Variants in MUC5B observed in about 807,000 individuals in gnomAD.
MUC5B encodes mucin 5B, oligomeric mucus/gel-forming.
MUC5B carries 116 observed loss-of-function variants against 376.9 expected under a neutral mutation model. The ratio of observed to expected loss-of-function variants is 0.31; its 90% CI spans 0.26 to 0.36. MUC5B has a LOEUF of 0.36. MUC5B is among the 10% of genes least tolerant of loss of function. MUC5B has a pLI of 1.00. For missense variants in MUC5B, 7,165 were observed against 7,769.9 expected (o/e 0.92, Z 2.93); for synonymous variants, 3,517 against 3,390.9 (o/e 1.04, Z -1.29).
At position 1,223,168 on chromosome 11, in the gene MUC5B, G is replaced by C; in HGVS notation, c.45G>C (p.Ala15=). ...GCCGGACGCTGGTGTTGGCTCTGGC[G>C]GCCATGCTCGTGGTGCCGCAGGCAG... is the stretch of plus-strand genomic sequence containing the variant. The part of the protein sequence containing the change: ...SACRTLVLAL[A]AMLVVPQAET... The change falls in exon 1 of 49, where the codon GCG becomes GCC. Residue 15 remains alanine, a synonymous_variant. Transcript: ENST00000529681. 1 of 710,680 alleles carries C rather than the reference G, an allele frequency of 1.4e-6. No homozygotes were observed. Among genetic ancestry groups the C allele is most frequent in the Non-Finnish European group, 2.6e-6 (1 of 384,664 alleles). 44.0% of individuals were successfully genotyped at this position (710,680 alleles called of 1,614,324 possible).
Position 1,236,423 on chromosome 11 carries a change from C to CGGTGGCGAGAGGGCCG in MUC5B, c.2924_2939dup (p.Asp981GlufsTer61). On this transcript the variant is annotated frameshift_variant, in exon 24 of 49. Transcript: ENST00000529681. LOFTEE classifies it high-confidence loss of function. Reference sequence around the variant, plus strand: ...ATCCTCCAAGAGGGGACCTTTAAGGCGGTGGCGAGAGGGCCGGGTGGGGAC... The same window carrying CGGTGGCGAGAGGGCCG: ...ATCCTCCAAGAGGGGACCTTTAAGGCGGTGGCGAGAGGGCCGGGTGGCGAGAGGGCCGGGTGGGGAC... 6.2e-7 allele frequency: 1 copy of CGGTGGCGAGAGGGCCG among 1,612,280 alleles called. No homozygotes were observed. Among genetic ancestry groups the CGGTGGCGAGAGGGCCG allele is most frequent in the African/African-American group, 1.3e-5 (1 of 75,034 alleles).
chr11:1,233,012 G>T lies in MUC5B; in HGVS notation c.2066-1G>T. 1 of 1,583,628 alleles carries T rather than the reference G, an allele frequency of 6.3e-7. No homozygotes were observed. ...GTCCCCCCTGGCCCCACCGACCACAGCCAAGTACATGCAGAACTGCCCCAA... is the reference window on the plus strand; with the variant it reads ...GTCCCCCCTGGCCCCACCGACCACATCCAAGTACATGCAGAACTGCCCCAA... On this transcript the variant is annotated splice_acceptor_variant, in intron 17 of 48. Coordinates refer to ENST00000529681, the MANE Select transcript of MUC5B (RefSeq NM_002458.3). LOFTEE classifies it high-confidence loss of function.
rs1861913445 is a variant in MUC5B, at chr11:1,227,418, G to A, written c.667+20G>A. Reference sequence around the variant, plus strand: ...CCCACAGTGAGTGCCACCTGGGTGAGGGGGCGGTGACCAATTATGTCGGCC... The same window carrying A: ...CCCACAGTGAGTGCCACCTGGGTGAAGGGGCGGTGACCAATTATGTCGGCC... On this transcript the variant is annotated intron_variant, in intron 6 of 48. Transcript: ENST00000529681. The A allele has an allele frequency of 6.3e-7, 1 of 1,580,598 alleles. No homozygotes were observed. The highest frequency in any genetic ancestry group is 1.1e-5 in the South Asian group (1 of 89,378).
In MUC5B at chr11:1,230,623, G is replaced by A. The variant is rs1234274480; in HGVS notation, c.1470+23G>A. ...ACGGTGAGGACCTGGCTGGGGCCCT[G>A]GGCTGGGACAGGAAGAGGCATGCGA... On this transcript the variant is annotated intron_variant, in intron 12 of 48. Transcript: ENST00000529681. 3 of 1,586,448 alleles carry A rather than the reference G, an allele frequency of 1.9e-6. No individual in the cohort carries two copies. The South Asian group carries it at 3.4e-5, about 18-fold the overall frequency.
chr11:1,225,532 T>G, intron 1 of MUC5B, 149 bp from the exon 2 acceptor site: 2 of 698,198 alleles, frequency 2.9e-6, no homozygotes. Context: ...CCACAGTGTG[T>G]CGTGAGGGTG....
chr11:1,252,910 C>A lies in MUC5B; in HGVS notation c.15147C>A (p.Cys5049Ter). Residue 5049 changes from cysteine to a stop codon, truncating the protein, a stop_gained, in exon 33 of 49, where the codon TGC (cysteine) becomes TGA (stop). Transcript: ENST00000529681. LOFTEE classifies it high-confidence loss of function. ...LDPKPVANVT[C>*]VNKHLPIKVS... ...CAAAGCCTGTGGCCAACGTCACCTG[C>A]GTGAACAAGCACCTGCCCATCAAAG... The A allele has an allele frequency of 6.2e-7, 1 of 1,612,672 alleles. No homozygotes were observed. The highest frequency in any genetic ancestry group is 8.5e-7 in the Non-Finnish European group (1 of 1,179,878).
intron 32 of MUC5B, 106 bp downstream of exon 32, chr11:1,252,630 C>T (rs1021346553): frequency 2.0e-5 from 28 of 1,378,220 alleles, no homozygotes; most frequent in Middle Eastern, 2.6e-4. Context: ...GTGACCCCGC[C>T]GCCAGTATCT....
At position 1,251,575 on chromosome 11, in the gene MUC5B, A is replaced by T; in HGVS notation, c.14695A>T (p.Thr4899Ser). 6.2e-7 allele frequency: 1 copy of T among 1,612,696 alleles called. No homozygotes were observed. The highest frequency in any genetic ancestry group is 8.5e-7 in the Non-Finnish European group (1 of 1,179,752). ...ATASTVPSSSTVGTTRTPAVL... is the reference protein window; with the variant it reads ...ATASTVPSSSSVGTTRTPAVL... Reference sequence around the variant, plus strand: ...TGCCTCCACGGTTCCCAGCTCGTCCACCGTGGGGACCACCCGCACCCCTGC... The same window carrying T: ...TGCCTCCACGGTTCCCAGCTCGTCCTCCGTGGGGACCACCCGCACCCCTGC... Residue 4899 changes from threonine (T) to serine (S), a missense_variant, in exon 31 of 49, where the codon ACC becomes TCC. Transcript: ENST00000529681.
In MUC5B at chr11:1,229,805, C is replaced by T. The variant is rs1490170811; in HGVS notation, c.1218C>T (p.Ser406=). 1 of 1,596,702 alleles carries T rather than the reference C, an allele frequency of 6.3e-7. No homozygotes were observed. Among genetic ancestry groups the T allele is most frequent in the Admixed American group, 1.7e-5 (1 of 57,744 alleles). The change falls in exon 10 of 49, where the codon TCC becomes TCT. Residue 406 remains serine (S), a splice_region_variant and synonymous_variant. Transcript: ENST00000529681. ...CCTCCTTCAACACCACCTGCAGCTC[C>T]TGGTACTTATGAGCCCACCAGCCTC... ...PGTSFNTTCS[S]CTCSGGLWQC...
At position 1,226,293 on chromosome 11, in the gene MUC5B, C is replaced by T. The variant is rs1861880510; in HGVS notation, c.199+17C>T. On this transcript the variant is annotated intron_variant, in intron 3 of 48. Coordinates refer to ENST00000529681, the MANE Select transcript of MUC5B (RefSeq NM_002458.3). ...GCCTGAGCCGTAAGCAGATGCTGCC[C>T]CTGCCAGCCGGGAAGGGGGTGTTTG... The T allele has an allele frequency of 6.4e-7, 1 of 1,550,784 alleles. No homozygotes were observed. Among genetic ancestry groups the T allele is most frequent in the Admixed American group, 2.0e-5 (1 of 51,220 alleles).
In MUC5B at chr11:1,243,052, G is replaced by A. The variant is rs369693068; in HGVS notation, c.6172G>A (p.Gly2058Ser). Residue 2058 changes from glycine to serine, a missense_variant, in exon 31 of 49, where the codon GGC (glycine) becomes AGC (serine). This residue lies in a region of MUC5B where 897 missense variants were observed against 779.6 expected (regional missense o/e 1.15). Coordinates refer to ENST00000529681, the MANE Select transcript of MUC5B (RefSeq NM_002458.3). ...TTKVPTTTTT[G>S]FTATPSSSPG... ...CAAAGTGCCAACTACCACAACCACG[G>A]GCTTCACAGCCACCCCCTCCTCCAG... is the stretch of plus-strand genomic sequence containing the variant. 2.5e-6 allele frequency: 4 copies of A among 1,606,710 alleles called. No individual in the cohort carries two copies. The African/African-American group carries it at 5.5e-5, about 22-fold the overall frequency.
chr11:1,239,711 G>C (rs2133821800), intron 27 of MUC5B, 88 bp from the exon 28 acceptor site: 1 of 1,497,128 alleles, frequency 6.7e-7, no homozygotes, highest in East Asian at 2.4e-5. Context: ...CTGGCTGGTG[G>C]GGGGCGGCTA....
In MUC5B at chr11:1,229,181, C is replaced by A. The variant is rs980136277; in HGVS notation, c.988C>A (p.Pro330Thr). The change falls in exon 9 of 49, where the codon CCC becomes ACC. Residue 330 changes from proline to threonine, a missense_variant. By Grantham distance (38) the Pro-to-Thr change is conservative (BLOSUM62 -1). Around this residue, in one of 31 missense-constraint regions of MUC5B, gnomAD observed 640 missense variants for 733.0 expected, o/e 0.87. Coordinates refer to ENST00000529681, the MANE Select transcript of MUC5B (RefSeq NM_002458.3). ...RCPELCPRTC[P>T]LNMQHQECGS... ...CTCCTTTTGCGCAGCCCGGACCTGCCCCCTCAACATGCAGCACCAGGAGTG... is the reference window on the plus strand; with the variant it reads ...CTCCTTTTGCGCAGCCCGGACCTGCACCCTCAACATGCAGCACCAGGAGTG... 2.5e-6 allele frequency: 4 copies of A among 1,595,832 alleles called. No homozygotes were observed. Among genetic ancestry groups the A allele is most frequent in the Admixed American group, 3.4e-5 (2 of 59,052 alleles).
chr11:1,258,824 C>A lies in MUC5B; in HGVS notation c.16594-118C>A. ...CTGGGTCCATGCTCAGCCAGGGGTG[C>A]ATCTATGCTCCATCTGAGGAAGGAA... On this transcript the variant is annotated intron_variant, in intron 43 of 48. Transcript: ENST00000529681. The surrounding 1 kb of genome is among the most constrained non-coding windows in gnomAD (Gnocchi z 5.5). 1 of 1,371,082 alleles carries A rather than the reference C, an allele frequency of 7.3e-7. No homozygotes were observed. The highest frequency in any genetic ancestry group is 9.9e-7 in the Non-Finnish European group (1 of 1,014,628). The allele number at this position is 1,371,082 out of a possible 1,614,324, so 84.9% of individuals were successfully genotyped here. A position where few individuals can be genotyped will look rare whatever the true frequency, so the allele number is the denominator to read the frequency against.
At chr11:1,259,911 C>T (rs1243576882) in intron 45 of MUC5B, 52 bp from the exon 46 acceptor site, 3 of 1,612,244 alleles carry the variant, frequency 1.9e-6, no homozygotes, top group Non-Finnish European at 2.5e-6. Flanking sequence ...CAATGGGGCT[C>T]TGCACAAGAG....
At chr11:1,237,292 G>C in intron 25 of MUC5B, 128 bp downstream of exon 25, 1 of 1,167,882 alleles carries the variant, frequency 8.6e-7, no homozygotes, top group Non-Finnish European at 1.1e-6. Flanking sequence ...ACGGCACACA[G>C]TCCTGGATGT....
intron 38 of MUC5B, 37 bp from the exon 39 acceptor site, chr11:1,256,634 A>T (rs1336476327): frequency 6.6e-7 from 1 of 1,506,278 alleles, no homozygotes; most frequent in South Asian, 1.2e-5. Context: ...GGCCTCCTGG[A>T]TCTCTAGGTC....
At chr11:1,235,640 G>A (rs370129109) in intron 23 of MUC5B, among the ~76,000 whole-genome samples, 2 of 152,298 alleles carry the variant, frequency 1.3e-5, no homozygotes. Flanking sequence ...ACTCCCTGTC[G>A]AGGGTCTGGG....
rs1437200021 is a variant in MUC5B, at chr11:1,258,215, T to A, written c.16555+12T>A. 3 of 1,567,474 alleles carry A rather than the reference T, an allele frequency of 1.9e-6. No individual in the cohort carries two copies. Among genetic ancestry groups the A allele is most frequent in the East Asian group, 4.8e-5 (2 of 41,958 alleles). ...CACCTTCCGCTGCAGTGAGCGGGGCTGGGGCCGGGCTCCTGGGTGGCCTCT... is the reference window on the plus strand; with the variant it reads ...CACCTTCCGCTGCAGTGAGCGGGGCAGGGGCCGGGCTCCTGGGTGGCCTCT... On this transcript the variant is annotated intron_variant, in intron 42 of 48. Coordinates refer to ENST00000529681, the MANE Select transcript of MUC5B (RefSeq NM_002458.3). This position sits in a 1 kb window ranked among gnomAD's most constrained non-coding sequence, Gnocchi z 5.5.
Sources: gnomAD v4.1 joint callset for allele counts (sites outside exome capture counted in the v4.1 genomes callset) on GRCh38, gnomAD v4.1.1 for gene constraint, gnomAD v4.1.1 regional missense constraint, Gnocchi (gnomAD v3.1) non-coding constraint, MANE v1.5 for transcripts, NCBI Gene and HGNC (gene_info 2026-07-23, HGNC 2026-07-21) for gene names.